The following CCSER1 variants were observed in gnomAD, a reference collection of about 807,000 sequenced individuals.
CCSER1 encodes serine-rich coiled-coil domain-containing protein 1.
Under a neutral mutation model 82.0 loss-of-function variants are expected in CCSER1, and 41 were observed. The observed-to-expected ratio is 0.50, with a 90% CI of 0.39 to 0.65. CCSER1 has a LOEUF of 0.65. Ranked by LOEUF, CCSER1 falls within the 30% of genes least tolerant of loss-of-function variation. The pLI is 0.00. For missense variants in CCSER1, 1,119 were observed against 1,064.2 expected, an observed-to-expected ratio of 1.05 and a Z score of -0.72; for synonymous variants, 414 against 383.9, an observed-to-expected ratio of 1.08 and a Z score of -0.92.
intron 8 of CCSER1, among the ~76,000 whole-genome samples, chr4:90,817,574 C>T (rs1759179781): frequency 6.6e-6 from 1 of 151,988 alleles, no homozygotes; most frequent in South Asian, 2.1e-4. Context: ...AACAATCAAG[C>T]AGCATTTTAA....
At chr4:90,277,884 G>A (rs1728126425) in intron 1 of CCSER1, among the ~76,000 whole-genome samples, 1 of 152,086 alleles carries the variant, frequency 6.6e-6, no homozygotes, top group Non-Finnish European at 1.5e-5. Flanking sequence ...ACTATTAAAG[G>A]AGTAAACAGA....
At chr4:90,468,508 G>T in intron 5 of CCSER1, 154 bp downstream of exon 5, 1 of 598,860 alleles carries the variant, frequency 1.7e-6, no homozygotes, top group South Asian at 3.6e-5. Context: ...TTATCTTAAT[G>T]AATTAACTTC....
At chr4:91,110,842 C>CA in intron 10 of CCSER1, among the ~76,000 whole-genome samples, 1 of 151,526 alleles carries the variant, frequency 6.6e-6, no homozygotes, top group African/African-American at 2.4e-5. Context: ...ATCATTCATT[C>CA]TTCTTTTTTT....
At chr4:90,170,804 T>G (rs1731516134) in intron 1 of CCSER1, among the ~76,000 whole-genome samples, 1 of 151,948 alleles carries the variant, frequency 6.6e-6, no homozygotes, top group Admixed American at 6.6e-5. Flanking sequence ...TCTTGTCTAT[T>G]GTGAATAGTA....
At chr4:90,722,708 G>A (rs1742891261) in intron 6 of CCSER1, among the ~76,000 whole-genome samples, 1 of 151,794 alleles carries the variant, frequency 6.6e-6, no homozygotes, top group South Asian at 2.1e-4. Flanking sequence ...TGTGGTATGT[G>A]TTAAATTAAC....
chr4:91,238,002 G>A (rs1718331574), intron 10 of CCSER1, among the ~76,000 whole-genome samples: 1 of 152,158 alleles, frequency 6.6e-6, no homozygotes, highest in South Asian at 2.1e-4. Context: ...TGGGGATAGA[G>A]AGTCCATTAA....
chr4:90,503,681 C>T (rs776209601), intron 5 of CCSER1, among the ~76,000 whole-genome samples: 16 of 151,936 alleles, frequency 1.1e-4, no homozygotes, highest in Non-Finnish European at 2.1e-4. Context: ...TTTCTCCTTG[C>T]GATAGTTTGC....
chr4:90,974,589 A>T (rs1735435546), intron 9 of CCSER1, among the ~76,000 whole-genome samples: 1 of 151,428 alleles, frequency 6.6e-6, no homozygotes, highest in Non-Finnish European at 1.5e-5. Flanking sequence ...TAAGATACAC[A>T]AATTGCCGAT....
chr4:90,821,873 CT>C (rs1205925734), intron 8 of CCSER1, among the ~76,000 whole-genome samples: 1 of 152,002 alleles, frequency 6.6e-6, no homozygotes, highest in Non-Finnish European at 1.5e-5. Flanking sequence ...CCTCAGGTTA[CT>C]AAAATAAATT....
At chr4:91,586,352 A>G (rs1007944805) in intron 10 of CCSER1, among the ~76,000 whole-genome samples, 3 of 151,686 alleles carry the variant, frequency 2.0e-5, no homozygotes, top group Non-Finnish European at 4.4e-5. Context: ...GTTTAAAGTT[A>G]TGTGAATGGA....
At chr4:90,400,367 TA>T (rs1202156677) in intron 4 of CCSER1, among the ~76,000 whole-genome samples, 3 of 152,202 alleles carry the variant, frequency 2.0e-5, no homozygotes, top group African/African-American at 4.8e-5. Context: ...AGAAAAACTA[TA>T]AAAAAATCTT....
chr4:90,725,851 T>C (rs1743537796), intron 7 of CCSER1, among the ~76,000 whole-genome samples: 1 of 151,934 alleles, frequency 6.6e-6, no homozygotes, highest in African/African-American at 2.4e-5. Context: ...AATTCAGATG[T>C]ATAAAACTTT....
At chr4:90,904,664 A>AG (rs1002485019) in intron 8 of CCSER1, among the ~76,000 whole-genome samples, 1 of 152,006 alleles carries the variant, frequency 6.6e-6, no homozygotes, top group Non-Finnish European at 1.5e-5. Context: ...GGGAGCAATA[A>AG]GGGGGGGCCT....
intron 10 of CCSER1, among the ~76,000 whole-genome samples, chr4:91,151,700 C>A (rs1023338565): frequency 1.7e-4 from 26 of 152,138 alleles, no homozygotes; most frequent in Non-Finnish European, 8.8e-5. Flanking sequence ...TTTCAAAGAA[C>A]GTCTTTGTTT....
Position 90,591,386 on chromosome 4 carries a change from A to G in CCSER1, c.1725-36639A>G, listed in dbSNP as rs140748053. 1.6e-4 allele frequency among the ~76,000 whole-genome samples: 24 copies of G among 152,266 alleles called. 1 individual carries two copies. In the South Asian group the frequency reaches 4.8e-3, roughly 30 times the overall value. On this transcript the variant is annotated intron_variant, in intron 5 of 10. Transcript: ENST00000509176. Reference sequence around the variant, plus strand: ...TGACTTTCAAGGAGAATATGAACAGACACTTCTCAAAAGAAGACATTGATG... The same window carrying G: ...TGACTTTCAAGGAGAATATGAACAGGCACTTCTCAAAAGAAGACATTGATG...
At chr4:91,180,242 G>C (rs1733868887) in intron 10 of CCSER1, among the ~76,000 whole-genome samples, 2 of 152,202 alleles carry the variant, frequency 1.3e-5, no homozygotes, top group African/African-American at 4.8e-5. Flanking sequence ...CTCCCAGTTA[G>C]GCTACTCAGG....
At chr4:90,216,622 G>C (rs1312098393) in intron 1 of CCSER1, among the ~76,000 whole-genome samples, 1 of 152,148 alleles carries the variant, frequency 6.6e-6, no homozygotes, top group Admixed American at 6.5e-5. Context: ...CTGTTTCATT[G>C]ATCTATGCAT....
chr4:91,129,274 A>G (rs773194664), intron 10 of CCSER1, among the ~76,000 whole-genome samples: 1 of 152,060 alleles, frequency 6.6e-6, no homozygotes, highest in Non-Finnish European at 1.5e-5. Context: ...AAGAAAATAT[A>G]TGTTTCAATG....
At chr4:90,394,747 A>G (rs1751715822) in intron 3 of CCSER1, among the ~76,000 whole-genome samples, 1 of 152,108 alleles carries the variant, frequency 6.6e-6, no homozygotes, top group Non-Finnish European at 1.5e-5. Flanking sequence ...TATTTATTTT[A>G]TACATATATC....
Sources: gnomAD v4.1 joint callset for allele counts (sites outside exome capture counted in the v4.1 genomes callset) on GRCh38, gnomAD v4.1.1 for gene constraint, MANE v1.5 for transcripts, NCBI Gene and HGNC (gene_info 2026-07-23, HGNC 2026-07-21) for gene names.